OSMR: variants seen among roughly 807,000 people sequenced by gnomAD.
OSMR encodes the protein oncostatin-M-specific receptor subunit beta.
Under a neutral mutation model 99.9 loss-of-function variants are expected in OSMR, and 81 were observed. That is an observed-to-expected ratio of 0.81 (90% CI 0.68 to 0.97). OSMR has a LOEUF of 0.97. Ranked by LOEUF, OSMR falls within the 50% of genes least tolerant of loss-of-function variation. OSMR has a pLI of 0.00. For missense variants in OSMR, 1,099 were observed against 1,153.4 expected (o/e 0.95, Z 0.68); for synonymous variants, 406 against 410.4 (o/e 0.99, Z 0.13).
intron 4 of OSMR, 47 bp from the exon 5 acceptor site, chr5:38,883,780 T>C: frequency 1.2e-6 from 2 of 1,611,628 alleles, no homozygotes; most frequent in Non-Finnish European, 1.7e-6. Context: ...TTTAAGAGGC[T>C]TGAATTTTGA....
intron 15 of OSMR, among the ~76,000 whole-genome samples, chr5:38,930,928 G>T (rs1218446734): frequency 1.5e-5 from 1 of 65,192 alleles, no homozygotes; most frequent in Admixed American, 1.7e-4. Context: ...TTTTGTGTGT[G>T]TGTGTGTGTG....
chr5:38,904,554 G>A, intron 9 of OSMR, 51 bp downstream of exon 9: 1 of 1,611,294 alleles, frequency 6.2e-7, no homozygotes, highest in Non-Finnish European at 8.5e-7. Flanking sequence ...TTAGGAGTTA[G>A]ACTGGTTTCC....
At chr5:38,901,408 G>T (rs1017828693) in intron 7 of OSMR, among the ~76,000 whole-genome samples, 4 of 152,114 alleles carry the variant, frequency 2.6e-5, no homozygotes, top group Non-Finnish European at 4.4e-5. Flanking sequence ...TGCCAGTTTC[G>T]ATGTGCCAGT....
rs1233904573 is a variant in OSMR at position 38,916,521 on chromosome 5, A to G, written c.1286-1025A>G. On this transcript the variant is annotated intron_variant, in intron 9 of 17. Coordinates refer to ENST00000274276, the MANE Select transcript of OSMR (RefSeq NM_003999.3). ...TTATGAGGATTAAATGAGTTAATAT[A>G]TGCAAAACATTTGGAACTGGGCTGG... is the stretch of plus-strand genomic sequence containing the variant. Among the ~76,000 whole-genome samples the G allele has an allele frequency of 6.6e-5, 10 of 152,226 alleles. No individual in the cohort carries two copies. The East Asian group carries it at 1.7e-3, about 26-fold the overall frequency.
In OSMR at chr5:38,933,898, A is replaced by AAAT. The variant is rs1415159363; in HGVS notation, c.*455_*457dup. 1.3e-5 allele frequency: 2 copies of AAAT among 156,996 alleles called. No homozygotes were observed. Among genetic ancestry groups the AAAT allele is most frequent in the Admixed American group, 6.2e-5 (1 of 16,056 alleles). The allele number at this position is 156,996 out of a possible 1,614,324, so 9.7% of individuals were successfully genotyped here. On this transcript the variant is annotated 3_prime_UTR_variant, in exon 18 of 18. Coordinates refer to ENST00000274276, the MANE Select transcript of OSMR (RefSeq NM_003999.3). ...TACTATAGCATAGATTGTCAAATGTAAATTTACTGAGCGTGTTTTATAAAA... is the reference window on the plus strand; with the variant it reads ...TACTATAGCATAGATTGTCAAATGTAAATAATTTACTGAGCGTGTTTTATAAAA...
intron 1 of OSMR, among the ~76,000 whole-genome samples, chr5:38,862,016 G>T (rs1741411854): frequency 8.0e-6 from 1 of 124,268 alleles, no homozygotes; most frequent in Non-Finnish European, 1.7e-5. Context: ...TGGCCGGGCA[G>T]AGGGGCTCCT....
chr5:38,881,564 G>T (rs1743285224), intron 3 of OSMR, 29 bp from the exon 4 acceptor site: 1 of 1,613,956 alleles, frequency 6.2e-7, no homozygotes, highest in Non-Finnish European at 8.5e-7. Flanking sequence ...ATGGCTATGT[G>T]TCTCCAATTG....
At chr5:38,885,974 A>C (rs1161674340) in intron 6 of OSMR, 65 bp from the exon 7 acceptor site, 2 of 1,595,488 alleles carry the variant, frequency 1.3e-6, no homozygotes, top group African/African-American at 2.7e-5. Context: ...GGGATAAGGG[A>C]TACATTTGCT....
At chr5:38,864,300 T>C (rs929809247) in intron 1 of OSMR, among the ~76,000 whole-genome samples, 1 of 152,184 alleles carries the variant, frequency 6.6e-6, no homozygotes, top group African/African-American at 2.4e-5. Context: ...GCAGTGGATA[T>C]ATCTGAGTCA....
At chr5:38,875,312 T>C (rs1315367155) in intron 2 of OSMR, among the ~76,000 whole-genome samples, 1 of 152,056 alleles carries the variant, frequency 6.6e-6, no homozygotes, top group Non-Finnish European at 1.5e-5. Flanking sequence ...AAGTGGAAAG[T>C]CATGATTTGT....
At chr5:38,912,093 G>A (rs9632405) in intron 9 of OSMR, among the ~76,000 whole-genome samples, 34,030 of 151,134 alleles carry the variant, frequency 0.23, 4,071 homozygotes, top group African/African-American at 0.3. Flanking sequence ...AAAAAAAAAA[G>A]CATCCAAATA....
chr5:38,886,359 C>T (rs906202134), intron 7 of OSMR, 169 bp downstream of exon 7: 2 of 1,433,612 alleles, frequency 1.4e-6, no homozygotes, highest in Non-Finnish European at 1.8e-6. Flanking sequence ...ATGCACGCAT[C>T]CCCTATTATT....
At position 38,883,797 on chromosome 5, in the gene OSMR, T is replaced by A. The variant is rs201705943; in HGVS notation, c.419-30T>A. ...TAAGAGGCTTGAATTTTGAGTGCGA[T>A]TCTAACTTGGCTATTTTTTTTTCTT... is the stretch of plus-strand genomic sequence containing the variant. On this transcript the variant is annotated intron_variant, in intron 4 of 17. Coordinates refer to ENST00000274276, the MANE Select transcript of OSMR (RefSeq NM_003999.3). 1,559 of 1,612,054 alleles carry A rather than the reference T, an allele frequency of 9.7e-4. 2 individuals carry two copies. The highest frequency in any genetic ancestry group is 1.2e-3 in the Non-Finnish European group (1,424 of 1,179,942).
chr5:38,926,412 T>A (rs979148354), intron 15 of OSMR, among the ~76,000 whole-genome samples: 1 of 152,170 alleles, frequency 6.6e-6, no homozygotes, highest in African/African-American at 2.4e-5. Context: ...GAGGTTTAAT[T>A]GACTCACAGT....
At chr5:38,890,469 A>T (rs72732720) in intron 7 of OSMR, among the ~76,000 whole-genome samples, 2,223 of 152,256 alleles carry the variant, frequency 0.015, 29 homozygotes, top group Middle Eastern at 0.024. Context: ...TCAGTCTTTT[A>T]ATTAGCTATT....
intron 7 of OSMR, among the ~76,000 whole-genome samples, chr5:38,901,134 A>G (rs1186824500): frequency 1.3e-5 from 2 of 152,180 alleles, no homozygotes; most frequent in Non-Finnish European, 2.9e-5. Flanking sequence ...AGTTTAGCCT[A>G]TTGGATAGAA....
chr5:38,930,902 T>C (rs1746697773), intron 15 of OSMR, among the ~76,000 whole-genome samples: 1 of 150,922 alleles, frequency 6.6e-6, no homozygotes, highest in Non-Finnish European at 1.5e-5. Context: ...AATGGGAAGA[T>C]GCCCTTGCAG....
At chr5:38,854,263 C>T (rs1740679771) in intron 1 of OSMR, among the ~76,000 whole-genome samples, 1 of 152,084 alleles carries the variant, frequency 6.6e-6, no homozygotes, top group South Asian at 2.1e-4. Flanking sequence ...ATTCTTGGGA[C>T]GTGAATGACT....
In OSMR at chr5:38,932,524, A is replaced by G; in HGVS notation, c.2356A>G (p.Ile786Val). ...TTACAAGAGCAGCATCCTGTCATTA[A>G]TAAAATTCAAGGTAAATGTTGGCAA... ...DPYKSSILSL[I>V]KFKENPHLII... The change falls in exon 17 of 18, where the codon ATA (isoleucine) becomes GTA (valine). Residue 786 changes from isoleucine (I) to valine (V), a missense_variant. Transcript: ENST00000274276. 1 of 1,613,470 alleles carries G rather than the reference A, an allele frequency of 6.2e-7. No individual in the cohort carries two copies. Among genetic ancestry groups the G allele is most frequent in the Non-Finnish European group, 8.5e-7 (1 of 1,179,414 alleles).
Sources: gnomAD v4.1 joint callset for allele counts (sites outside exome capture counted in the v4.1 genomes callset) on GRCh38, gnomAD v4.1.1 for gene constraint, MANE v1.5 for transcripts, NCBI Gene and HGNC (gene_info 2026-07-23, HGNC 2026-07-21) for gene names.